The following DDX39B variants were observed in gnomAD, a reference collection of about 807,000 sequenced individuals.
DDX39B encodes the protein DExD-box helicase 39B.
Under a neutral mutation model 46.4 loss-of-function variants are expected in DDX39B, and 6 were observed. The ratio of observed to expected loss-of-function variants is 0.13; its 90% CI spans 0.07 to 0.26. The LOEUF (loss-of-function observed/expected upper bound fraction) is 0.26. Among genes scored for constraint, DDX39B ranks in the 10% least tolerant of loss-of-function variants. The pLI, the probability that DDX39B is intolerant of heterozygous loss-of-function variation, is 1.00. For synonymous variants in DDX39B, 174 were observed against 199.4 expected (o/e 0.87, Z 1.07); for missense variants, 185 against 553.4 (o/e 0.33, Z 6.68).
Position 31,530,648 on chromosome 6 carries a change from A to G in DDX39B, c.1270+131T>C. On this transcript the variant is annotated intron_variant, in intron 10 of 10. Transcript: ENST00000396172. The surrounding 1 kb of genome is among the most constrained non-coding windows in gnomAD (Gnocchi z 4.5). ...CAGAAAAACATCCCAACACAGCATC[A>G]AAGACCAGGGGGCATGAACCAGTCA... The G allele has an allele frequency of 7.2e-7, 1 of 1,385,246 alleles. No homozygotes were observed. The highest frequency in any genetic ancestry group is 9.9e-7 in the Non-Finnish European group (1 of 1,006,360). The allele number at this position is 1,385,246 out of a possible 1,614,324, so 85.8% of individuals were successfully genotyped here.
At chr6:31,539,063 C>T (rs145600883) in intron 3 of DDX39B, 84 bp downstream of exon 3, 3 of 1,610,332 alleles carry the variant, frequency 1.9e-6, no homozygotes, top group East Asian at 2.2e-5. Flanking sequence ...CATGGCTCTG[C>T]AAGCATCATG....
In DDX39B at chr6:31,535,158, C is replaced by G; in HGVS notation, c.735+209G>C. The G allele has an allele frequency of 4.9e-6, 3 of 609,844 alleles. No individual in the cohort carries two copies. In the South Asian group the frequency reaches 5.8e-5, roughly 12 times the overall value. 37.8% of individuals were successfully genotyped at this position (609,844 alleles called of 1,614,324 possible). On this transcript the variant is annotated intron_variant, in intron 6 of 10. Transcript: ENST00000396172. This position sits in a 1 kb window ranked among gnomAD's most constrained non-coding sequence, Gnocchi z 4.6. Reference sequence around the variant, plus strand: ...CTACCCGCTCTCACATTAACCCGACCAAGTCTTCCGGAGTTTCCCTGGCAC... The same window carrying G: ...CTACCCGCTCTCACATTAACCCGACGAAGTCTTCCGGAGTTTCCCTGGCAC...
At position 31,530,253 on chromosome 6, in the gene DDX39B, A is replaced by G; in HGVS notation, c.*181T>C. The G allele has an allele frequency of 1.2e-6, 1 of 829,984 alleles. No homozygotes were observed. The highest frequency in any genetic ancestry group is 1.9e-6 in the Non-Finnish European group (1 of 537,068). 51.4% of individuals were successfully genotyped at this position (829,984 alleles called of 1,614,324 possible). ...CCACAGACACATGTGTTTCATTTTT[A>G]GTTTTGTTAAAAAAAAATTCTGACA... On this transcript the variant is annotated 3_prime_UTR_variant, in exon 11 of 11. Transcript: ENST00000396172. This position sits in a 1 kb window ranked among gnomAD's most constrained non-coding sequence, Gnocchi z 4.5.
At chr6:31,533,108 TATCAG>T (rs1447999756) in intron 6 of DDX39B, 197 bp from the exon 7 acceptor site, 2 of 503,144 alleles carry the variant, frequency 4.0e-6, no homozygotes, top group Non-Finnish European at 7.3e-6. Context: ...ATTTCCTTCC[TATCAG>T]ATGAGTTTTA....
rs1406580754 is a variant in DDX39B at position 31,535,504 on chromosome 6, A to C, written c.617-19T>G. The C allele has an allele frequency of 6.3e-7, 1 of 1,595,104 alleles. No homozygotes were observed. The highest frequency in any genetic ancestry group is 8.6e-7 in the Non-Finnish European group (1 of 1,164,478). On this transcript the variant is annotated intron_variant, in intron 5 of 10. Coordinates refer to ENST00000396172, the MANE Select transcript of DDX39B (RefSeq NM_004640.7). The surrounding 1 kb of genome is among the most constrained non-coding windows in gnomAD (Gnocchi z 4.6). ...CGCATGTCTACAAGAACAAGGAAAA[A>C]AATTGTAGGAGAAAATAAGCAGGTA...
Position 31,531,656 on chromosome 6 carries a change from A to G in DDX39B, c.868-251T>C. The G allele has an allele frequency of 1.9e-6, 1 of 520,216 alleles. No homozygotes were observed. Among genetic ancestry groups the G allele is most frequent in the Non-Finnish European group, 3.4e-6 (1 of 294,660 alleles). The allele number at this position is 520,216 out of a possible 1,614,324, so 32.2% of individuals were successfully genotyped here. On this transcript the variant is annotated intron_variant, in intron 7 of 10. Transcript: ENST00000396172. This position sits in a 1 kb window ranked among gnomAD's most constrained non-coding sequence, Gnocchi z 5.8. ...AGAAATCAAAATTGCCAGACATGCT[A>G]GGAGATGAGGATGAGATCACCTCAT...
intron 4 of DDX39B, among the ~76,000 whole-genome samples, chr6:31,537,726 C>A (rs909213998): frequency 6.6e-6 from 1 of 152,064 alleles, no homozygotes; most frequent in East Asian, 1.9e-4. Context: ...CGACGCTAAT[C>A]CTATGGTAAA....
chr6:31,535,335 A>G lies in DDX39B; in HGVS notation c.735+32T>C. 1 of 1,592,690 alleles carries G rather than the reference A, an allele frequency of 6.3e-7. No individual in the cohort carries two copies. Among genetic ancestry groups the G allele is most frequent in the South Asian group, 1.1e-5 (1 of 90,636 alleles). On this transcript the variant is annotated intron_variant, in intron 6 of 10. Transcript: ENST00000396172. The surrounding 1 kb of genome is among the most constrained non-coding windows in gnomAD (Gnocchi z 4.6). ...GAAGGGGAGGAGGCAGCGGGCGGGG[A>G]GTGGAGGGAGAGAAGGTAGAAGGGT...
At position 31,536,545 on chromosome 6, in the gene DDX39B, T is replaced by G; in HGVS notation, c.571A>C (p.Lys191Gln). 1 of 1,613,212 alleles carries G rather than the reference T, an allele frequency of 6.2e-7. No individual in the cohort carries two copies. Among genetic ancestry groups the G allele is most frequent in the South Asian group, 1.1e-5 (1 of 91,072 alleles). Reference protein sequence around the residue: ...RNKSLNLKHIKHFILDECDKM... With the variant: ...RNKSLNLKHIQHFILDECDKM... The stretch of plus-strand genomic sequence containing the variant: ...TCACATTCATCCAAAATAAAGTGTT[T>G]AATGTGTTTGAGGTTGAGGCTCTTA... Residue 191 changes from lysine (K) to glutamine (Q), a missense_variant, in exon 5 of 11, where the codon AAA becomes CAA. Physicochemically the swap from Lys to Gln is moderately conservative, Grantham distance 53. Around this residue, in one of 5 missense-constraint regions of DDX39B, gnomAD observed 110 missense variants for 282.2 expected, o/e 0.39. Transcript: ENST00000396172.
At position 31,531,544 on chromosome 6, in the gene DDX39B, T is replaced by C. The variant is rs995562399; in HGVS notation, c.868-139A>G. 5.8e-5 allele frequency: 42 copies of C among 721,906 alleles called. No individual in the cohort carries two copies. The African/African-American group carries it at 6.2e-4, about 11-fold the overall frequency. 44.7% of individuals were successfully genotyped at this position (721,906 alleles called of 1,614,324 possible). A position where few individuals can be genotyped will look rare whatever the true frequency, so the allele number is the denominator to read the frequency against. ...CTTCATTTCTCTTATTCCCCCACTA[T>C]ATATTTAGAGCAGAAAAGGAAATAT... On this transcript the variant is annotated intron_variant, in intron 7 of 10. Coordinates refer to ENST00000396172, the MANE Select transcript of DDX39B (RefSeq NM_004640.7). The surrounding 1 kb of genome is among the most constrained non-coding windows in gnomAD (Gnocchi z 5.8).
At chr6:31,539,098 C>A in intron 3 of DDX39B, 49 bp downstream of exon 3, 1 of 1,613,524 alleles carries the variant, frequency 6.2e-7, no homozygotes, top group South Asian at 1.1e-5. Flanking sequence ...ACACCCTTCC[C>A]TTATAGTCCT....
rs1180959508 is a variant in DDX39B, at chr6:31,535,222, T to C, written c.735+145A>G. On this transcript the variant is annotated intron_variant, in intron 6 of 10. Coordinates refer to ENST00000396172, the MANE Select transcript of DDX39B (RefSeq NM_004640.7). This position sits in a 1 kb window ranked among gnomAD's most constrained non-coding sequence, Gnocchi z 4.6. ...AACACTAGCTGTCTCTGCTTCTGTA[T>C]GTCTCTTCAAGGAGTCATTACTCCC... 2 of 762,656 alleles carry C rather than the reference T, an allele frequency of 2.6e-6. No homozygotes were observed. The highest frequency in any genetic ancestry group is 1.7e-5 in the African/African-American group (1 of 58,394). 47.2% of individuals were successfully genotyped at this position (762,656 alleles called of 1,614,324 possible). A position where few individuals can be genotyped will look rare whatever the true frequency, so the allele number is the denominator to read the frequency against.
intron 1 of DDX39B, 195 bp from the exon 2 acceptor site, chr6:31,540,859 GTTCCCAACAAGA>G (rs1326526966): frequency 2.2e-6 from 1 of 448,898 alleles, no homozygotes. Flanking sequence ...TAGGACAGAG[GTTCCCAACAAGA>G]TTAGCAATCA....
chr6:31,532,926 G>A lies in DDX39B; in HGVS notation c.736-15C>T, dbSNP rs1380940631. The A allele has an allele frequency of 1.6e-6, 2 of 1,260,164 alleles. No individual in the cohort carries two copies. The highest frequency in any genetic ancestry group is 1.1e-6 in the Non-Finnish European group (1 of 921,888). 78.1% of individuals were successfully genotyped at this position (1,260,164 alleles called of 1,614,324 possible). A position where few individuals can be genotyped will look rare whatever the true frequency, so the allele number is the denominator to read the frequency against. On this transcript the variant is annotated splice_polypyrimidine_tract_variant and intron_variant, in intron 6 of 10. Coordinates refer to ENST00000396172, the MANE Select transcript of DDX39B (RefSeq NM_004640.7). ...ATCTCCATTGGCTGGGGGGGAGGAA[G>A]GGGGTGGGGAACGGGAGGAGGGCAG...
Position 31,535,325 on chromosome 6 carries a change from G to A in DDX39B, c.735+42C>T. 6.3e-7 allele frequency: 1 copy of A among 1,578,066 alleles called. No individual in the cohort carries two copies. The highest frequency in any genetic ancestry group is 8.7e-7 in the Non-Finnish European group (1 of 1,147,972). On this transcript the variant is annotated intron_variant, in intron 6 of 10. Transcript: ENST00000396172. This position sits in a 1 kb window ranked among gnomAD's most constrained non-coding sequence, Gnocchi z 4.6. ...AGAGGGCGAGGAAGGGGAGGAGGCA[G>A]CGGGCGGGGAGTGGAGGGAGAGAAG...
intron 3 of DDX39B, 39 bp downstream of exon 3, chr6:31,539,108 T>C (rs775195232): frequency 6.2e-7 from 1 of 1,613,416 alleles, no homozygotes; most frequent in South Asian, 1.1e-5. Context: ...CTTATAGTCC[T>C]AACCAAAATC....
intron 6 of DDX39B, chr6:31,533,137 A>G: frequency 2.2e-6 from 1 of 445,920 alleles, no homozygotes; most frequent in Non-Finnish European, 4.1e-6. Flanking sequence ...CTGCCCAACT[A>G]AAAACTATCA....
At chr6:31,536,422 C>T in intron 5 of DDX39B, 78 bp downstream of exon 5, 2 of 1,597,602 alleles carry the variant, frequency 1.3e-6, no homozygotes, top group Non-Finnish European at 1.7e-6. Flanking sequence ...CACTGAGGTG[C>T]TCCTGTTTCA....
rs1168257083 is a variant in DDX39B, at chr6:31,535,122, A to C, written c.735+245T>G. On this transcript the variant is annotated intron_variant, in intron 6 of 10. Transcript: ENST00000396172. This position sits in a 1 kb window ranked among gnomAD's most constrained non-coding sequence, Gnocchi z 4.6. ...GTTCAAAAATGTTGTGATTTATGAA[A>C]AAGTCGAACACTACCCGCTCTCACA... The C allele has an allele frequency of 3.5e-6, 2 of 566,294 alleles. No homozygotes were observed. 35.1% of individuals were successfully genotyped at this position (566,294 alleles called of 1,614,324 possible). A position where few individuals can be genotyped will look rare whatever the true frequency, so the allele number is the denominator to read the frequency against.
Sources: allele counts gnomAD v4.1 joint callset (sites outside exome capture counted in the v4.1 genomes callset), GRCh38; gene constraint gnomAD v4.1.1; regional missense constraint gnomAD v4.1.1; non-coding constraint Gnocchi (gnomAD v3.1); transcripts MANE v1.5; gene names NCBI Gene and HGNC (gene_info 2026-07-23, HGNC 2026-07-21).